PBX1: variants seen among roughly 807,000 people sequenced by gnomAD.
PBX1 encodes pre-B-cell leukemia transcription factor 1.
In PBX1, 6 loss-of-function variants were observed where a neutral mutation model predicts 53.4. That is an observed-to-expected ratio of 0.11 (90% CI 0.06 to 0.22). The LOEUF (loss-of-function observed/expected upper bound fraction) is 0.22. PBX1 is among the 10% of genes least tolerant of loss of function. PBX1 has a pLI of 1.00. For missense variants in PBX1, 251 were observed against 551.4 expected (o/e 0.46, Z 5.46); for synonymous variants, 204 against 212.3 (o/e 0.96, Z 0.34).
intron 3 of PBX1, among the ~76,000 whole-genome samples, chr1:164,797,518 G>A (rs570802196): frequency 1.4e-4 from 21 of 152,226 alleles, no homozygotes; most frequent in South Asian, 4.2e-4. Context: ...TATAGATCTC[G>A]TGTTTATTTA....
intron 8 of PBX1, among the ~76,000 whole-genome samples, chr1:164,832,798 G>A (rs1259077980): frequency 6.6e-6 from 1 of 151,838 alleles, no homozygotes; most frequent in African/African-American, 2.4e-5. Flanking sequence ...GCAAAATGAA[G>A]GTTAAAAGCA....
At chr1:164,797,420 A>G (rs1171312056) in intron 3 of PBX1, among the ~76,000 whole-genome samples, 1 of 152,098 alleles carries the variant, frequency 6.6e-6, no homozygotes. Context: ...TGGTCTCCAA[A>G]TTTCAGCTAA....
chr1:164,797,869 T>C (rs1211005667), intron 3 of PBX1, among the ~76,000 whole-genome samples: 1 of 152,226 alleles, frequency 6.6e-6, no homozygotes, highest in African/African-American at 2.4e-5. Flanking sequence ...ATACGTTAAG[T>C]AACTTTGAAG....
intron 2 of PBX1, among the ~76,000 whole-genome samples, chr1:164,568,943 C>A (rs1157777676): frequency 2.0e-5 from 3 of 152,234 alleles, no homozygotes. Flanking sequence ...TTACCTCTAA[C>A]AGCTCTCTTT....
At chr1:164,606,202 C>T (rs1394607131) in intron 2 of PBX1, among the ~76,000 whole-genome samples, 1 of 152,230 alleles carries the variant, frequency 6.6e-6, no homozygotes, top group African/African-American at 2.4e-5. Flanking sequence ...ATGCATTCTG[C>T]TATATGGCCA....
chr1:164,856,573 G>T (rs1671981124), downstream of PBX1, among the ~76,000 whole-genome samples: 1 of 152,032 alleles, frequency 6.6e-6, no homozygotes, highest in African/African-American at 2.4e-5. Flanking sequence ...CTTCCCAGGA[G>T]CACACACCCA....
At chr1:164,562,494 C>CACAG (rs1571223010) in intron 1 of PBX1, among the ~76,000 whole-genome samples, 1 of 146,216 alleles carries the variant, frequency 6.8e-6, no homozygotes, top group African/African-American at 2.6e-5. Context: ...CACACACACA[C>CACAG]CAGGTAAATC....
At chr1:164,761,467 C>T (rs573116797) in intron 2 of PBX1, among the ~76,000 whole-genome samples, 39 of 150,060 alleles carry the variant, frequency 2.6e-4, no homozygotes, top group South Asian at 6.3e-4. Context: ...TTTTTTGAGA[C>T]GGAGTTTCGC....
chr1:164,593,227 G>A (rs532402175), intron 2 of PBX1, among the ~76,000 whole-genome samples: 33 of 152,226 alleles, frequency 2.2e-4, no homozygotes, highest in African/African-American at 3.9e-4. Context: ...CAAAGTGCGG[G>A]AATAACAGGC....
At chr1:164,689,082 G>C (rs75575598) in intron 2 of PBX1, among the ~76,000 whole-genome samples, 1 of 152,180 alleles carries the variant, frequency 6.6e-6, no homozygotes, top group Non-Finnish European at 1.5e-5. Flanking sequence ...ATTGGGACTC[G>C]CCAAAGTGTT....
intron 2 of PBX1, among the ~76,000 whole-genome samples, chr1:164,692,394 G>T (rs970193660): frequency 2.0e-5 from 3 of 152,152 alleles, no homozygotes; most frequent in Non-Finnish European, 4.4e-5. Flanking sequence ...AGGTTGAATG[G>T]ATGTGGGGAT....
intron 8 of PBX1, among the ~76,000 whole-genome samples, chr1:164,838,123 A>G (rs1459197357): frequency 6.6e-6 from 1 of 152,232 alleles, no homozygotes; most frequent in African/African-American, 2.4e-5. Flanking sequence ...GGAATCTTCC[A>G]GTTGGTGACT....
At chr1:164,719,603 A>G (rs928922953) in intron 2 of PBX1, among the ~76,000 whole-genome samples, 1 of 152,106 alleles carries the variant, frequency 6.6e-6, no homozygotes, top group Non-Finnish European at 1.5e-5. Flanking sequence ...AGTTTTGGAA[A>G]GCTCTCCAGG....
chr1:164,575,767 ATAT>A (rs1220155139), intron 2 of PBX1, among the ~76,000 whole-genome samples: 1 of 152,076 alleles, frequency 6.6e-6, no homozygotes, highest in Non-Finnish European at 1.5e-5. Context: ...ACATTAATAA[ATAT>A]TTAAAAACAA....
At chr1:164,627,154 G>A (rs1253909734) in intron 2 of PBX1, among the ~76,000 whole-genome samples, 1 of 152,114 alleles carries the variant, frequency 6.6e-6, no homozygotes, top group Non-Finnish European at 1.5e-5. Flanking sequence ...TCAGCAAAAT[G>A]TACTTGGAGC....
At chr1:164,636,628 G>A (rs148776163) in intron 2 of PBX1, among the ~76,000 whole-genome samples, 45 of 152,250 alleles carry the variant, frequency 3.0e-4, no homozygotes, top group Middle Eastern at 3.4e-3. Context: ...GTTGCTGGCT[G>A]CAGAGAAGAG....
chr1:164,675,272 C>G (rs1000170319), intron 2 of PBX1, among the ~76,000 whole-genome samples: 30 of 152,192 alleles, frequency 2.0e-4, no homozygotes, highest in African/African-American at 7.2e-4. Flanking sequence ...TATTCTACCT[C>G]TGTCACCTGA....
chr1:164,684,735 G>T (rs543257847), intron 2 of PBX1: 57 of 152,286 alleles, frequency 3.7e-4, no homozygotes, highest in African/African-American at 1.3e-3. Flanking sequence ...TTCCCATGAG[G>T]TTCCTGAGAC....
chr1:164,623,646 C>T (rs1657840020), intron 2 of PBX1, among the ~76,000 whole-genome samples: 1 of 152,190 alleles, frequency 6.6e-6, no homozygotes, highest in Admixed American at 6.5e-5. Context: ...TTGCCTTTGT[C>T]TCTCTGTGTC....
Sources: gnomAD v4.1 joint callset for allele counts (sites outside exome capture counted in the v4.1 genomes callset) on GRCh38, gnomAD v4.1.1 for gene constraint, MANE v1.5 for transcripts, NCBI Gene and HGNC (gene_info 2026-07-23, HGNC 2026-07-21) for gene names.